The following RPH3A variants were observed in gnomAD, a reference collection of about 807,000 sequenced individuals.
RPH3A encodes the protein rabphilin 3A.
RPH3A carries 48 observed loss-of-function variants against 102.2 expected under a neutral mutation model. That is an observed-to-expected ratio of 0.47 (90% CI 0.37 to 0.60). RPH3A has a LOEUF of 0.60. Ranked by LOEUF, RPH3A falls within the 20% of genes least tolerant of loss-of-function variation. The pLI, the probability that RPH3A is intolerant of heterozygous loss-of-function variation, is 0.00. For missense variants in RPH3A, 781 were observed against 910.1 expected (o/e 0.86, Z 1.83); for synonymous variants, 310 against 324.3 (o/e 0.96, Z 0.47).
Position 112,688,854 on chromosome 12 carries a change from T to G in RPH3A, c.-139-103289T>G, listed in dbSNP as rs1174998425. Among the ~76,000 whole-genome samples, 3 of 152,218 alleles carry G rather than the reference T, an allele frequency of 2.0e-5. No homozygotes were observed. In the East Asian group the frequency reaches 5.8e-4, roughly 29 times the overall value. The stretch of plus-strand genomic sequence containing the variant: ...AGTGGAATGCCTTGAATACAAGAAC[T>G]GCTCAATACATGTTTGTTAAATAAA... On this transcript the variant is annotated intron_variant, in intron 1 of 21. Coordinates refer to the RPH3A transcript ENST00000543106.
intron 1 of RPH3A, among the ~76,000 whole-genome samples, chr12:112,691,056 G>A (rs893014651): frequency 6.7e-6 from 1 of 149,616 alleles, no homozygotes; most frequent in East Asian, 2.0e-4. Context: ...ACGGAGTCTC[G>A]CTCTGTCGCC....
rs112077586 is a variant in RPH3A, at chr12:112,667,735, CAGA to C, written c.-140+92419_-140+92421del. On this transcript the variant is annotated intron_variant, in intron 1 of 21. Transcript: ENST00000543106. ...GAGAGAGAGAGAAATTACTGGAACA[CAGA>C]AGGAGAGAATTGTTTAGAGCAGGCC... 8.9e-3 allele frequency among the ~76,000 whole-genome samples: 1,262 copies of C among 142,048 alleles called. 34 individuals are homozygous for C. Among genetic ancestry groups the C allele is most frequent in the African/African-American group, 0.032 (1,193 of 37,422 alleles). The allele number at this position is 142,048 out of a possible 152,430, so 93.2% of individuals were successfully genotyped here.
rs73427065 is a variant in RPH3A at position 112,844,021 on chromosome 12, G to C, written c.84-3675G>C. Among the ~76,000 whole-genome samples the C allele has an allele frequency of 4.4e-3, 677 of 152,270 alleles. 5 individuals carry two copies. The highest frequency in any genetic ancestry group is 0.016 in the African/African-American group (667 of 41,568). ...CAGCATGGCACAGGCTCTGCATAAA[G>C]AGAGTGAGGCCTCCATCACAGGAGG... On this transcript the variant is annotated intron_variant, in intron 4 of 21. Transcript: ENST00000389385.
upstream of RPH3A, among the ~76,000 whole-genome samples, chr12:112,788,195 A>G (rs1256058955): frequency 6.6e-6 from 1 of 152,230 alleles, no homozygotes; most frequent in Non-Finnish European, 1.5e-5. Context: ...AGACAAGGCT[A>G]GTTCCTAGAT....
At chr12:112,692,894 C>T (rs2040317521) in intron 1 of RPH3A, among the ~76,000 whole-genome samples, 1 of 152,178 alleles carries the variant, frequency 6.6e-6, no homozygotes, top group African/African-American at 2.4e-5. Context: ...GAACACCATG[C>T]AGGTCTTGTC....
At chr12:112,659,211 G>C (rs1190391222) in intron 1 of RPH3A, among the ~76,000 whole-genome samples, 2 of 152,136 alleles carry the variant, frequency 1.3e-5, no homozygotes, top group Non-Finnish European at 2.9e-5. Flanking sequence ...ACCAAGAAAT[G>C]AACGTGAATG....
intron 1 of RPH3A, among the ~76,000 whole-genome samples, chr12:112,752,059 G>T (rs1035529548): frequency 2.6e-5 from 4 of 152,108 alleles, no homozygotes; most frequent in African/African-American, 9.7e-5. Context: ...GACAGGATGT[G>T]GTATTAGGGG....
chr12:112,725,348 C>A (rs990045490), intron 1 of RPH3A, among the ~76,000 whole-genome samples: 1 of 150,486 alleles, frequency 6.6e-6, no homozygotes, highest in Admixed American at 6.6e-5. Flanking sequence ...CATTGTACCA[C>A]TTCCCTGACT....
chr12:112,873,878 C>T (rs555780979), intron 10 of RPH3A: 1 of 152,326 alleles, frequency 6.6e-6, no homozygotes, highest in Admixed American at 6.5e-5. Context: ...CTGTGCACTC[C>T]TGGAGGATAT....
chr12:112,617,249 C>T lies in RPH3A; in HGVS notation c.-140+41930C>T, dbSNP rs1005089380. ...GGGTCAGAGATGGCGAGTGAGCATT[C>T]CTGCTGGTCCCTGCATGTAATTAAG... On this transcript the variant is annotated intron_variant, in intron 1 of 21. Coordinates refer to the RPH3A transcript ENST00000543106. Among the ~76,000 whole-genome samples the T allele has an allele frequency of 3.2e-4, 48 of 152,152 alleles. 1 individual carries two copies.
chr12:112,769,704 T>C (rs968986998), intron 1 of RPH3A, among the ~76,000 whole-genome samples: 4 of 152,218 alleles, frequency 2.6e-5, no homozygotes, highest in Admixed American at 6.5e-5. Context: ...AGACTTTAGA[T>C]TCTAAAAATA....
chr12:112,588,901 A>G (rs2039457187), intron 1 of RPH3A, among the ~76,000 whole-genome samples: 1 of 152,162 alleles, frequency 6.6e-6, no homozygotes, highest in South Asian at 2.1e-4. Context: ...AAGGGGCTGT[A>G]ATTCAGCTGG....
chr12:112,827,046 G>A (rs1236867214), intron 2 of RPH3A, among the ~76,000 whole-genome samples: 1 of 152,090 alleles, frequency 6.6e-6, no homozygotes, highest in Non-Finnish European at 1.5e-5. Context: ...CCAAAGTGGT[G>A]ACACCATTTT....
intron 1 of RPH3A, among the ~76,000 whole-genome samples, chr12:112,744,374 C>A (rs938848388): frequency 6.6e-6 from 1 of 152,154 alleles, no homozygotes; most frequent in African/African-American, 2.4e-5. Context: ...CCATACCCGG[C>A]CAGGCTTCAG....
chr12:112,758,947 A>G (rs1241129150), intron 1 of RPH3A, among the ~76,000 whole-genome samples: 1 of 152,192 alleles, frequency 6.6e-6, no homozygotes, highest in Admixed American at 6.5e-5. Flanking sequence ...TCATGAATAA[A>G]TCCTCTTAAT....
intron 1 of RPH3A, among the ~76,000 whole-genome samples, chr12:112,695,470 A>G (rs975202385): frequency 1.3e-5 from 2 of 152,230 alleles, no homozygotes; most frequent in African/African-American, 2.4e-5. Flanking sequence ...GAGGTTGATC[A>G]ATAAAGGAGG....
chr12:112,769,711 A>C (rs1592989206), intron 1 of RPH3A, among the ~76,000 whole-genome samples: 1 of 152,226 alleles, frequency 6.6e-6, no homozygotes, highest in East Asian at 1.9e-4. Flanking sequence ...AGATTCTAAA[A>C]ATAGCTGTTA....
At chr12:112,846,132 C>A (rs2042225557) in intron 4 of RPH3A, among the ~76,000 whole-genome samples, 1 of 152,180 alleles carries the variant, frequency 6.6e-6, no homozygotes, top group South Asian at 2.1e-4. Context: ...AGCAAGAAGT[C>A]TGGATTTTAT....
chr12:112,636,163 T>C (rs1265961747), intron 1 of RPH3A, among the ~76,000 whole-genome samples: 1 of 152,204 alleles, frequency 6.6e-6, no homozygotes, highest in Non-Finnish European at 1.5e-5. Context: ...GACTTTCACC[T>C]GATGGTCCAA....
Sources: gnomAD v4.1 joint callset for allele counts (sites outside exome capture counted in the v4.1 genomes callset) on GRCh38, gnomAD v4.1.1 for gene constraint, MANE v1.5 for transcripts, NCBI Gene and HGNC (gene_info 2026-07-23, HGNC 2026-07-21) for gene names.